The following ANK2 variants were observed in gnomAD, a reference collection of about 807,000 sequenced individuals.
The protein encoded by ANK2 is ankyrin-2.
Under a neutral mutation model 360.5 loss-of-function variants are expected in ANK2, and 83 were observed. The ratio of observed to expected loss-of-function variants is 0.23; its 90% CI spans 0.19 to 0.28. The LOEUF (loss-of-function observed/expected upper bound fraction) is 0.28. Among genes scored for constraint, ANK2 ranks in the 10% least tolerant of loss-of-function variants. The probability of loss-of-function intolerance (pLI) is 1.00; values close to 1 mark genes in which losing one functional copy is unlikely to be tolerated. For missense variants in ANK2, 4,201 were observed against 4,795.7 expected (o/e 0.88, Z 3.66); for synonymous variants, 1,740 against 1,759.5 (o/e 0.99, Z 0.28).
chr4:112,779,166 T>A, the ANK2 span, among the ~76,000 whole-genome samples: 1 of 152,222 alleles, frequency 6.6e-6, no homozygotes, highest in Non-Finnish European at 1.5e-5. Flanking sequence ...TTTTTTAATG[T>A]ACATCCTATA....
chr4:113,302,686 G>T, intron 22 of ANK2, 81 bp from the exon 23 acceptor site: 4 of 1,075,556 alleles, frequency 3.7e-6, no homozygotes, highest in Non-Finnish European at 5.7e-6. Context: ...CTGCTGTTGA[G>T]TGTGGCCTCC....
intron 2 of ANK2, among the ~76,000 whole-genome samples, chr4:112,989,428 C>G (rs890406827): frequency 2.0e-5 from 3 of 152,160 alleles, no homozygotes; most frequent in African/African-American, 7.2e-5. Context: ...TATTTATCTA[C>G]CAAATTTCCC....
chr4:113,344,656 A>G (rs1356434642), intron 34 of ANK2, among the ~76,000 whole-genome samples: 1 of 152,180 alleles, frequency 6.6e-6, no homozygotes, highest in Non-Finnish European at 1.5e-5. Flanking sequence ...AAGGTCCACA[A>G]ACAAAATGCG....
intron 1 of ANK2, among the ~76,000 whole-genome samples, chr4:113,080,119 G>A (rs1475496558): frequency 1.3e-5 from 2 of 152,014 alleles, no homozygotes; most frequent in African/African-American, 4.8e-5. Flanking sequence ...GGCTAGTCTC[G>A]AATTCCTGAC....
At chr4:113,244,305 G>A (rs907797741) in intron 9 of ANK2, among the ~76,000 whole-genome samples, 2 of 152,160 alleles carry the variant, frequency 1.3e-5, no homozygotes, top group Non-Finnish European at 2.9e-5. Context: ...ACAAGACAGA[G>A]TAGGTTTCTA....
At chr4:112,998,869 T>G (rs1010300292) in intron 2 of ANK2, among the ~76,000 whole-genome samples, 76 of 152,288 alleles carry the variant, frequency 5.0e-4, no homozygotes, top group African/African-American at 1.8e-3. Flanking sequence ...TGAACACTCT[T>G]CTAAATTAAT....
At chr4:113,003,546 C>T (rs972040261) in intron 2 of ANK2, among the ~76,000 whole-genome samples, 2 of 152,078 alleles carry the variant, frequency 1.3e-5, no homozygotes, top group Non-Finnish European at 2.9e-5. Context: ...AGAGACAAAT[C>T]AATGCAACAG....
the ANK2 span, among the ~76,000 whole-genome samples, chr4:112,768,890 T>C: frequency 6.6e-5 from 10 of 152,226 alleles, no homozygotes; most frequent in Non-Finnish European, 2.9e-5. Flanking sequence ...GTTCAAAAAG[T>C]ATATCAAAAG....
chr4:112,769,604 T>G, the ANK2 span, among the ~76,000 whole-genome samples: 1 of 152,182 alleles, frequency 6.6e-6, no homozygotes, highest in Admixed American at 6.5e-5. Context: ...AATTTAACCA[T>G]CACTCTTGTG....
intron 2 of ANK2, among the ~76,000 whole-genome samples, chr4:112,997,756 TAC>T (rs973662330): frequency 6.6e-6 from 1 of 151,904 alleles, no homozygotes; most frequent in Non-Finnish European, 1.5e-5. Context: ...TGTGTATATA[TAC>T]ACACACATAT....
At chr4:113,280,068 C>A (rs989485320) in intron 17 of ANK2, among the ~76,000 whole-genome samples, 1 of 152,008 alleles carries the variant, frequency 6.6e-6, no homozygotes, top group Non-Finnish European at 1.5e-5. Context: ...ACTTAACATA[C>A]CAGCATTTTT....
chr4:112,876,713 A>G (rs1053994100), intron 1 of ANK2, among the ~76,000 whole-genome samples: 1 of 152,186 alleles, frequency 6.6e-6, no homozygotes, highest in Non-Finnish European at 1.5e-5. Context: ...TAAGGGAGCG[A>G]ATTTATCCTC....
At chr4:112,916,086 A>AATGAAATG in intron 2 of ANK2, among the ~76,000 whole-genome samples, 1 of 152,204 alleles carries the variant, frequency 6.6e-6, no homozygotes. Context: ...ATAAAAAGTT[A>AATGAAATG]AACTACCTAG....
the ANK2 span, among the ~76,000 whole-genome samples, chr4:112,711,642 C>A: frequency 1.2e-4 from 18 of 151,842 alleles, no homozygotes; most frequent in East Asian, 3.5e-3. Flanking sequence ...CATGGTGAAA[C>A]CCTGTCTCTA....
intron 1 of ANK2, among the ~76,000 whole-genome samples, chr4:113,051,202 C>A (rs1397641542): frequency 6.6e-6 from 1 of 151,908 alleles, no homozygotes; most frequent in Non-Finnish European, 1.5e-5. Flanking sequence ...CGCGAGCAAG[C>A]AAGAGAGAGG....
chr4:113,373,816 T>C (rs2096830951), intron 45 of ANK2, among the ~76,000 whole-genome samples: 1 of 152,238 alleles, frequency 6.6e-6, no homozygotes, highest in Non-Finnish European at 1.5e-5. Flanking sequence ...GTGGTGCTTG[T>C]GCCTGGTTGG....
chr4:113,076,267 A>T (rs569061690), intron 1 of ANK2, among the ~76,000 whole-genome samples: 31 of 152,374 alleles, frequency 2.0e-4, no homozygotes, highest in African/African-American at 7.2e-4. Context: ...GTTGGGCTGC[A>T]TTCAAATCCA....
intron 40 of ANK2, 134 bp downstream of exon 40, chr4:113,363,603 T>C: frequency 1.1e-6 from 1 of 943,528 alleles, no homozygotes; most frequent in Non-Finnish European, 1.7e-6. Context: ...TTGAGTAATA[T>C]CATTTTGTTC....
At position 113,357,721 on chromosome 4, in the gene ANK2, A is replaced by G; in HGVS notation, c.9103A>G (p.Ile3035Val). ...VVGEQISKVI[I>V]TKTDVDSDSW... ...TGGTGAACAAATAAGCAAAGTCATC[A>G]TCACAAAAACTGATGTGGATTCTGA... is the stretch of plus-strand genomic sequence containing the variant. The change falls in exon 38 of 46, where the codon ATC becomes GTC. Residue 3035 changes from isoleucine to valine, a missense_variant. Ile to Val is a conservative substitution (Grantham distance 29). Transcript: ENST00000357077. 1 of 1,614,148 alleles carries G rather than the reference A, an allele frequency of 6.2e-7. No individual in the cohort carries two copies. The highest frequency in any genetic ancestry group is 1.1e-5 in the South Asian group (1 of 91,090).
Sources: allele counts gnomAD v4.1 joint callset (sites outside exome capture counted in the v4.1 genomes callset), GRCh38; gene constraint gnomAD v4.1.1; transcripts MANE v1.5; gene names NCBI Gene and HGNC (gene_info 2026-07-23, HGNC 2026-07-21).